SUGP2: variants seen among roughly 807,000 people sequenced by gnomAD.
SUGP2 encodes SURP and G-patch domain containing 2.
In SUGP2, 24 loss-of-function variants were observed where a neutral mutation model predicts 90.5. The observed-to-expected ratio is 0.27, with a 90% CI of 0.19 to 0.37. The LOEUF (loss-of-function observed/expected upper bound fraction) is 0.37, where lower values mean the gene tolerates loss of function less well. Ranked by LOEUF, SUGP2 falls within the 10% of genes least tolerant of loss-of-function variation. The probability of loss-of-function intolerance (pLI) is 1.00; values close to 1 mark genes in which losing one functional copy is unlikely to be tolerated. For missense variants in SUGP2, 1,233 were observed against 1,363.3 expected, an observed-to-expected ratio of 0.90 and a Z score of 1.51; for synonymous variants, 473 against 513.4, an observed-to-expected ratio of 0.92 and a Z score of 1.06.
At chr19:19,015,067 T>C (rs902625665) in intron 4 of SUGP2, among the ~76,000 whole-genome samples, 1 of 151,922 alleles carries the variant, frequency 6.6e-6, no homozygotes, top group African/African-American at 2.4e-5. Flanking sequence ...CCGGGTGTGG[T>C]GGCAGGTGCC....
rs199633316 is a variant in SUGP2, at chr19:19,004,596, A to G, written c.2501T>C (p.Val834Ala). The G allele has an allele frequency of 6.2e-7, 1 of 1,613,542 alleles. No homozygotes were observed. Among genetic ancestry groups the G allele is most frequent in the East Asian group, 2.2e-5 (1 of 44,864 alleles). Residue 834 changes from valine to alanine, a missense_variant, in exon 7 of 11, where the codon GTG becomes GCG. By Grantham distance (64) the Val-to-Ala change is moderately conservative. Around this residue, in one of 8 missense-constraint regions of SUGP2, gnomAD observed 540 missense variants for 542.6 expected, o/e 1.00. Transcript: ENST00000452918. Reference protein sequence around the residue: ...SSAFKFYRKKVFELCPSICFT... With the variant: ...SSAFKFYRKKAFELCPSICFT... ...ACAAATTGATGGACATAGTTCAAACACTTTCTTTCGATAGAATTTGAAAGC... is the reference window on the plus strand; with the variant it reads ...ACAAATTGATGGACATAGTTCAAACGCTTTCTTTCGATAGAATTTGAAAGC...
Position 19,008,369 on chromosome 19 carries a change from G to A in SUGP2, c.2398C>T (p.Pro800Ser). 1 of 1,614,154 alleles carries A rather than the reference G, an allele frequency of 6.2e-7. No individual in the cohort carries two copies. The highest frequency in any genetic ancestry group is 8.5e-7 in the Non-Finnish European group (1 of 1,180,032). Residue 800 changes from proline to serine, a missense_variant, in exon 6 of 11, where the codon CCA (proline) becomes TCA (serine). This residue lies in a region of SUGP2 where 540 missense variants were observed against 542.6 expected (regional missense o/e 1.00). Transcript: ENST00000452918. Reference sequence around the variant, plus strand: ...TCTATGCTGAATTGTTCGATCTCTGGTCCCACCTGAGCAACAAATCTAGCC... The same window carrying A: ...TCTATGCTGAATTGTTCGATCTCTGATCCCACCTGAGCAACAAATCTAGCC... ...KLARFVAQVG[P>S]EIEQFSIENS...
In SUGP2 at chr19:19,033,295, C is replaced by G. The variant is rs1428749648; in HGVS notation, c.-12+142G>C. ...GGCCGCAGCCGGCCACCCAGGCCAA[C>G]CCGGCGGGGACGCGGCCGCCGCCGC... On this transcript the variant is annotated intron_variant, in intron 1 of 10. Coordinates refer to ENST00000452918, the MANE Select transcript of SUGP2 (RefSeq NM_001017392.5). 4.0e-6 allele frequency: 4 copies of G among 989,430 alleles called. No homozygotes were observed. In the Admixed American group the frequency reaches 1.6e-4, roughly 40 times the overall value. The allele number at this position is 989,430 out of a possible 1,614,324, so 61.3% of individuals were successfully genotyped here.
At chr19:19,031,191 T>C (rs1362938687) in intron 1 of SUGP2, 109 bp from the exon 2 acceptor site, 6 of 1,200,208 alleles carry the variant, frequency 5.0e-6, no homozygotes, top group Non-Finnish European at 7.0e-6. Flanking sequence ...GCGGATCACC[T>C]GAGCTCAGGA....
chr19:19,024,583 A>G (rs775338300), intron 3 of SUGP2, 36 bp downstream of exon 3: 6 of 1,561,118 alleles, frequency 3.8e-6, no homozygotes, highest in Admixed American at 4.0e-5. Flanking sequence ...AGAAACACGA[A>G]AAACAACAAA....
chr19:18,999,979 C>T (rs140179581), intron 8 of SUGP2, among the ~76,000 whole-genome samples: 2 of 152,322 alleles, frequency 1.3e-5, no homozygotes, highest in East Asian at 3.9e-4. Flanking sequence ...CATCTTCTCC[C>T]CTTCTCATTG....
chr19:19,004,113 G>T, intron 7 of SUGP2, 55 bp downstream of exon 7: 1 of 1,370,482 alleles, frequency 7.3e-7, no homozygotes, highest in Non-Finnish European at 1.0e-6. Flanking sequence ...AACTCTCACA[G>T]CCCACCAACC....
intron 4 of SUGP2, among the ~76,000 whole-genome samples, chr19:19,012,956 T>C (rs1355953252): frequency 1.3e-5 from 2 of 152,120 alleles, no homozygotes; most frequent in Admixed American, 6.6e-5. Flanking sequence ...CTCTGCCTCC[T>C]GGATTCAAGT....
At position 19,009,996 on chromosome 19, in the gene SUGP2, C is replaced by A; in HGVS notation, c.2197G>T (p.Ala733Ser). The change falls in exon 5 of 11, where the codon GCT becomes TCT. Residue 733 changes from alanine to serine, a missense_variant. Ala to Ser is a moderately conservative substitution (Grantham distance 99, BLOSUM62 1). This residue lies in a region of SUGP2 where 540 missense variants were observed against 542.6 expected (regional missense o/e 1.00). Transcript: ENST00000452918. ...GGGTCTGGCGGGCAGTCCTTGGCAG[C>A]ATCATTTCTGTCTGGCAGGGATGGT... ...AKPSLPDRND[A>S]AKDCPPDPVG... is the part of the protein sequence containing the mutation. 6.2e-7 allele frequency: 1 copy of A among 1,614,054 alleles called. No homozygotes were observed. Among genetic ancestry groups the A allele is most frequent in the Non-Finnish European group, 8.5e-7 (1 of 1,180,022 alleles).
At chr19:19,021,159 C>CAA (rs386388689) in intron 3 of SUGP2, among the ~76,000 whole-genome samples, 47,140 of 67,342 alleles carry the variant, frequency 0.7, 16,512 homozygotes, top group East Asian at 0.82. Flanking sequence ...AATTCCATCT[C>CAA]AAAAAAAAAA....
intron 3 of SUGP2, among the ~76,000 whole-genome samples, chr19:19,021,583 C>T (rs1755986977): frequency 6.6e-6 from 1 of 152,150 alleles, no homozygotes; most frequent in South Asian, 2.1e-4. Flanking sequence ...CAATCCTACT[C>T]CTGAGAATGT....
In SUGP2 at chr19:19,004,606, G is replaced by C; in HGVS notation, c.2491C>G (p.Arg831Gly). The change falls in exon 7 of 11, where the codon CGA (arginine) becomes GGA (glycine). Residue 831 changes from arginine (R) to glycine (G), a missense_variant. Physicochemically the swap from Arg to Gly is moderately radical, Grantham distance 125 (BLOSUM62 -2). Around this residue, in one of 8 missense-constraint regions of SUGP2, gnomAD observed 540 missense variants for 542.6 expected, o/e 1.00. Coordinates refer to ENST00000452918, the MANE Select transcript of SUGP2 (RefSeq NM_001017392.5). ...GGACATAGTTCAAACACTTTCTTTCGATAGAATTTGAAAGCAGAACTATTT... is the reference window on the plus strand; with the variant it reads ...GGACATAGTTCAAACACTTTCTTTCCATAGAATTTGAAAGCAGAACTATTT... ...DQNSSAFKFY[R>G]KKVFELCPSI... 6.2e-7 allele frequency: 1 copy of C among 1,612,624 alleles called. No homozygotes were observed. The highest frequency in any genetic ancestry group is 8.5e-7 in the Non-Finnish European group (1 of 1,179,054).
At position 19,031,005 on chromosome 19, in the gene SUGP2, G is replaced by A; in HGVS notation, c.67C>T (p.His23Tyr). Reference sequence around the variant, plus strand: ...ACAGCCTCACCACTGGCATCCATGTGATATCGTTTGGCTTTTTCTTGTAAT... The same window carrying A: ...ACAGCCTCACCACTGGCATCCATGTAATATCGTTTGGCTTTTTCTTGTAAT... ...AVLQEKAKRY[H>Y]MDASGEAVSE... Residue 23 changes from histidine (H) to tyrosine (Y), a missense_variant, in exon 2 of 11, where the codon CAC (histidine) becomes TAC (tyrosine). This residue lies in a region of SUGP2 where 418 missense variants were observed against 399.9 expected (regional missense o/e 1.05). Coordinates refer to ENST00000452918, the MANE Select transcript of SUGP2 (RefSeq NM_001017392.5). 2 of 1,613,916 alleles carry A rather than the reference G, an allele frequency of 1.2e-6. No individual in the cohort carries two copies. Among genetic ancestry groups the A allele is most frequent in the Non-Finnish European group, 1.7e-6 (2 of 1,179,984 alleles).
chr19:18,996,350 C>T (rs752060509), intron 8 of SUGP2, among the ~76,000 whole-genome samples: 2 of 152,110 alleles, frequency 1.3e-5, no homozygotes, highest in Non-Finnish European at 1.5e-5. Context: ...GAGCGGAGAC[C>T]GTGCCACTGC....
At chr19:19,016,611 A>C (rs2058511670) in intron 4 of SUGP2, among the ~76,000 whole-genome samples, 1 of 152,186 alleles carries the variant, frequency 6.6e-6, no homozygotes, top group Non-Finnish European at 1.5e-5. Flanking sequence ...ACTGGTTCAG[A>C]CCACAGACCC....
At position 19,004,367 on chromosome 19, in the gene SUGP2, T is replaced by C; in HGVS notation, c.2730A>G (p.Gly910=). ...EDGGEEAPAP[G]GAGKSEGSTP... ...TGCTGCCCTCAGACTTGCCCGCCCC[T>C]CCAGGAGCGGGGGCCTCCTCTCCCC... The change falls in exon 7 of 11, where the codon GGA becomes GGG. Residue 910 remains glycine, a synonymous_variant. Transcript: ENST00000452918. 6.2e-7 allele frequency: 1 copy of C among 1,613,676 alleles called. No homozygotes were observed. Among genetic ancestry groups the C allele is most frequent in the Non-Finnish European group, 8.5e-7 (1 of 1,179,784 alleles).
At chr19:19,020,585 A>G (rs1017931888) in intron 3 of SUGP2, among the ~76,000 whole-genome samples, 5 of 151,572 alleles carry the variant, frequency 3.3e-5, no homozygotes, top group African/African-American at 4.8e-5. Flanking sequence ...CTGGGATTAC[A>G]GACATGCGCC....
intron 2 of SUGP2, among the ~76,000 whole-genome samples, chr19:19,026,761 G>A (rs763998093): frequency 1.3e-5 from 2 of 152,154 alleles, no homozygotes; most frequent in Non-Finnish European, 2.9e-5. Flanking sequence ...CAGTGCCACC[G>A]TGAGGCTAGA....
upstream of SUGP2, chr19:19,033,625 G>A: frequency 8.7e-7 from 1 of 1,153,018 alleles, no homozygotes; most frequent in South Asian, 4.3e-5. Context: ...TCTTGCGCAA[G>A]CGCGCTGTCC....
Sources: allele counts gnomAD v4.1 joint callset (sites outside exome capture counted in the v4.1 genomes callset), GRCh38; gene constraint gnomAD v4.1.1; regional missense constraint gnomAD v4.1.1; transcripts MANE v1.5; gene names NCBI Gene and HGNC (gene_info 2026-07-23, HGNC 2026-07-21).